Variants in BAZ1A observed in about 807,000 individuals in gnomAD.
BAZ1A encodes bromodomain adjacent to zinc finger domain 1A.
A neutral mutation model predicts 185.2 loss-of-function variants in BAZ1A; 50 were observed. The ratio of observed to expected loss-of-function variants is 0.27; its 90% CI spans 0.22 to 0.34. The LOEUF is 0.34. Among genes scored for constraint, BAZ1A ranks in the 10% least tolerant of loss-of-function variants. The pLI is 1.00. For missense variants in BAZ1A, 1,356 were observed against 1,839.9 expected (o/e 0.74, Z 4.81); for synonymous variants, 571 against 615.6 (o/e 0.93, Z 1.07).
At chr14:34,785,239 T>C (rs190317372) in intron 14 of BAZ1A, among the ~76,000 whole-genome samples, 3 of 152,280 alleles carry the variant, frequency 2.0e-5, no homozygotes, top group Admixed American at 2.0e-4. Flanking sequence ...AAGACAATGG[T>C]AAATTACTAT....
rs747648725 is a variant in BAZ1A at position 34,785,804 on chromosome 14, T to C, written c.1804A>G (p.Ser602Gly). 4.3e-6 allele frequency: 7 copies of C among 1,614,036 alleles called. No homozygotes were observed. The Admixed American group carries it at 1.0e-4, about 23-fold the overall frequency. ...SNPSLVKKLS[S>G]TSVYDLTPGE... ...GGTGTCAAATCATACACTGAGGTGC[T>C]TGACAGTTTCTTCACTAGACTGGGA... Residue 602 changes from serine to glycine, a missense_variant, in exon 14 of 27, where the codon AGC (serine) becomes GGC (glycine). Ser to Gly is a moderately conservative substitution (Grantham distance 56, BLOSUM62 0). Transcript: ENST00000360310.
rs774577521 is a variant in BAZ1A at position 34,874,441 on chromosome 14, C to G, written c.113+51G>C. On this transcript the variant is annotated intron_variant, in intron 2 of 26. Transcript: ENST00000360310. The surrounding 1 kb of genome is among the most constrained non-coding windows in gnomAD (Gnocchi z 4.7). Reference sequence around the variant, plus strand: ...AAAGGAGAGAGACAAAAGAGCGCTGCGGGGGGAGTCCCCACACCCCCCGCG... The same window carrying G: ...AAAGGAGAGAGACAAAAGAGCGCTGGGGGGGGAGTCCCCACACCCCCCGCG... 77 of 1,489,618 alleles carry G rather than the reference C, an allele frequency of 5.2e-5. No individual in the cohort carries two copies. In the East Asian group the frequency reaches 1.8e-3, roughly 34 times the overall value. The allele number at this position is 1,489,618 out of a possible 1,614,324, so 92.3% of individuals were successfully genotyped here. A position where few individuals can be genotyped will look rare whatever the true frequency, so the allele number is the denominator to read the frequency against.
intron 9 of BAZ1A, among the ~76,000 whole-genome samples, chr14:34,796,165 TACACACACAC>T (rs61285890): frequency 1.0e-4 from 15 of 146,498 alleles, no homozygotes; most frequent in African/African-American, 2.8e-4. Context: ...TACATATACA[TACACACACAC>T]ACACACACAC....
intron 6 of BAZ1A, 94 bp from the exon 7 acceptor site, chr14:34,803,082 G>A: frequency 7.6e-7 from 1 of 1,318,412 alleles, no homozygotes; most frequent in Non-Finnish European, 1.1e-6. Context: ...TATTAATGCT[G>A]TTAAAAGATC....
In BAZ1A at chr14:34,874,637, C is replaced by CGGAGG. The variant is rs756356200; in HGVS notation, c.-34_-33insCCTCC. On this transcript the variant is annotated 5_prime_UTR_variant, in exon 2 of 27. Transcript: ENST00000360310. This position sits in a 1 kb window ranked among gnomAD's most constrained non-coding sequence, Gnocchi z 4.7. ...CCGCCCGCGGGCTCGCCTGGACCCT[C>CGGAGG]GGCCGCCCGCGCCGGCCCCGCTTCC... The CGGAGG allele has an allele frequency of 6.5e-7, 1 of 1,544,140 alleles. No homozygotes were observed. The highest frequency in any genetic ancestry group is 1.1e-5 in the South Asian group (1 of 88,094).
At chr14:34,858,969 T>C (rs1475345405) in intron 3 of BAZ1A, among the ~76,000 whole-genome samples, 1 of 152,174 alleles carries the variant, frequency 6.6e-6, no homozygotes, top group African/African-American at 2.4e-5. Context: ...AGCAAGTATG[T>C]CTGGCTTTGT....
chr14:34,823,322 C>T (rs2042114995), intron 4 of BAZ1A, among the ~76,000 whole-genome samples: 1 of 151,718 alleles, frequency 6.6e-6, no homozygotes, highest in Admixed American at 6.6e-5. Context: ...CCACTGCACT[C>T]CAGCCTGGGC....
At chr14:34,801,294 A>T in intron 7 of BAZ1A, 101 bp from the exon 8 acceptor site, 2 of 811,490 alleles carry the variant, frequency 2.5e-6, no homozygotes, top group Non-Finnish European at 3.9e-6. Flanking sequence ...TACTAAAATG[A>T]TTTTTTTATT....
At chr14:34,773,323 A>T (rs970600997) in intron 20 of BAZ1A, among the ~76,000 whole-genome samples, 1 of 144,584 alleles carries the variant, frequency 6.9e-6, no homozygotes, top group Non-Finnish European at 1.5e-5. Context: ...TTCAAAGATT[A>T]AAAAAAAAAA....
intron 3 of BAZ1A, among the ~76,000 whole-genome samples, chr14:34,858,931 G>A (rs964178601): frequency 6.6e-6 from 1 of 152,150 alleles, no homozygotes; most frequent in Non-Finnish European, 1.5e-5. Context: ...CCCTGAGGCA[G>A]GGATCATGCC....
chr14:34,844,378 A>G (rs570878147), intron 3 of BAZ1A, among the ~76,000 whole-genome samples: 1 of 152,186 alleles, frequency 6.6e-6, no homozygotes, highest in East Asian at 1.9e-4. Context: ...GAAATTGAAG[A>G]CACAAATGGA....
chr14:34,863,152 C>CATTTTTTT (rs1566603150), intron 2 of BAZ1A, among the ~76,000 whole-genome samples: 1 of 44,690 alleles, frequency 2.2e-5, no homozygotes, highest in Non-Finnish European at 4.8e-5. Context: ...CCACGCTCGG[C>CATTTTTTT]TTTTTTTTTT....
intron 2 of BAZ1A, among the ~76,000 whole-genome samples, chr14:34,867,075 C>A (rs1441048306): frequency 1.3e-5 from 2 of 151,704 alleles, no homozygotes; most frequent in South Asian, 4.2e-4. Flanking sequence ...CTGGCTAACA[C>A]AGTGAAACCC....
intron 9 of BAZ1A, 63 bp downstream of exon 9, chr14:34,800,161 T>G: frequency 8.3e-7 from 1 of 1,209,152 alleles, no homozygotes; most frequent in Non-Finnish European, 1.1e-6. Flanking sequence ...CAACCATGGA[T>G]GTAGATATGT....
Position 34,783,220 on chromosome 14 carries a change from C to A in BAZ1A, c.2010G>T (p.Arg670Ser). 1 of 1,586,208 alleles carries A rather than the reference C, an allele frequency of 6.3e-7. No individual in the cohort carries two copies. The highest frequency in any genetic ancestry group is 1.1e-5 in the South Asian group (1 of 88,846). Residue 670 changes from arginine (R) to serine (S), a missense_variant, in exon 16 of 27, where the codon AGG becomes AGT. Around this residue, in one of 7 missense-constraint regions of BAZ1A, gnomAD observed 434 missense variants for 561.7 expected, o/e 0.77. Transcript: ENST00000360310. ...CTTGCTCCTTAAGTTTTTCTTCCTT[C>A]CTTTTACGAATTCTAAAAGTTAAAA... ...REEAAARIRKRKEEKLKEQEQ... is the reference protein window; with the variant it reads ...REEAAARIRKSKEEKLKEQEQ...
At chr14:34,861,229 T>C (rs2138817466) in intron 3 of BAZ1A, among the ~76,000 whole-genome samples, 1 of 152,286 alleles carries the variant, frequency 6.6e-6, no homozygotes, top group East Asian at 1.9e-4. Context: ...CAAGAGGTTT[T>C]AATGCATATA....
intron 17 of BAZ1A, among the ~76,000 whole-genome samples, chr14:34,778,000 A>G (rs1468586631): frequency 1.3e-5 from 2 of 152,148 alleles, no homozygotes; most frequent in African/African-American, 4.8e-5. Flanking sequence ...CTCAAAAAAC[A>G]TTAACAAAAA....
At chr14:34,764,589 G>T in intron 23 of BAZ1A, 118 bp downstream of exon 23, 1 of 1,364,134 alleles carries the variant, frequency 7.3e-7, no homozygotes, top group Non-Finnish European at 9.9e-7. Flanking sequence ...ACCGTGTCCA[G>T]CCTATATATT....
chr14:34,787,492 T>A (rs1183141951), intron 12 of BAZ1A, among the ~76,000 whole-genome samples: 5 of 151,692 alleles, frequency 3.3e-5, no homozygotes, highest in Non-Finnish European at 5.9e-5. Context: ...GAGACCAACC[T>A]GGCCAACATG....
Sources: allele counts gnomAD v4.1 joint callset (sites outside exome capture counted in the v4.1 genomes callset), GRCh38; gene constraint gnomAD v4.1.1; regional missense constraint gnomAD v4.1.1; non-coding constraint Gnocchi (gnomAD v3.1); transcripts MANE v1.5; gene names NCBI Gene and HGNC (gene_info 2026-07-23, HGNC 2026-07-21).